Variants in OXR1 observed in about 807,000 individuals in gnomAD.
OXR1 encodes oxidation resistance protein 1.
OXR1 carries 41 observed loss-of-function variants against 104.6 expected under a neutral mutation model. The observed-to-expected ratio is 0.39, with a 90% CI of 0.31 to 0.51. The LOEUF is 0.51. Ranked by LOEUF, OXR1 falls within the 20% of genes least tolerant of loss-of-function variation. The pLI, the probability that OXR1 is intolerant of heterozygous loss-of-function variation, is 0.77. For missense variants in OXR1, 955 were observed against 1,031.9 expected (o/e 0.93, Z 1.02); for synonymous variants, 348 against 348.4 (o/e 1.00, Z 0.01).
intron 3 of OXR1, among the ~76,000 whole-genome samples, chr8:106,581,756 G>A (rs1406597579): frequency 6.6e-6 from 1 of 151,796 alleles, no homozygotes; most frequent in African/African-American, 2.4e-5. Flanking sequence ...AGGCACAATG[G>A]CTCACACCTA....
At chr8:106,617,537 C>A (rs1353220239) in intron 3 of OXR1, among the ~76,000 whole-genome samples, 3 of 152,104 alleles carry the variant, frequency 2.0e-5, no homozygotes, top group Non-Finnish European at 4.4e-5. Flanking sequence ...TTTCTTCTTT[C>A]CCTCCTAGGG....
At chr8:106,427,000 A>G (rs1009282888) in intron 2 of OXR1, among the ~76,000 whole-genome samples, 1 of 152,036 alleles carries the variant, frequency 6.6e-6, no homozygotes, top group African/African-American at 2.4e-5. Flanking sequence ...ATTTCCTCCC[A>G]TTGATTTTAA....
chr8:106,304,458 A>G (rs1014012700), intron 1 of OXR1, among the ~76,000 whole-genome samples: 2 of 152,178 alleles, frequency 1.3e-5, no homozygotes, highest in Non-Finnish European at 2.9e-5. Flanking sequence ...TTTGTTTTAA[A>G]GGCTCTAAGC....
In OXR1 at chr8:106,303,439, T is replaced by C. The variant is rs746591735; in HGVS notation, c.-139+33072T>C. On this transcript the variant is annotated intron_variant, in intron 1 of 16. Coordinates refer to ENST00000517566, the MANE Select transcript of OXR1 (RefSeq NM_001198533.2). ...ATTTTTAGTAGAGACGGGGTTTCAC[T>C]GTGTTAGCCAGGATGATCTTGGTCT... is the stretch of plus-strand genomic sequence containing the variant. Among the ~76,000 whole-genome samples, 78 of 150,316 alleles carry C rather than the reference T, an allele frequency of 5.2e-4. 1 individual carries two copies. The highest frequency in any genetic ancestry group is 8.8e-4 in the Non-Finnish European group (59 of 67,364).
chr8:106,497,786 A>G (rs922493265), intron 2 of OXR1, among the ~76,000 whole-genome samples: 1 of 80,154 alleles, frequency 1.2e-5, no homozygotes, highest in Non-Finnish European at 2.7e-5. Context: ...TATGGTCACC[A>G]TATGTGTGTG....
chr8:106,419,154 G>A (rs900857974), intron 2 of OXR1, among the ~76,000 whole-genome samples: 9 of 152,120 alleles, frequency 5.9e-5, no homozygotes, highest in African/African-American at 9.7e-5. Flanking sequence ...CAGGAACACT[G>A]TGAGCAATTG....
At chr8:106,363,259 G>A (rs1816325499) in intron 2 of OXR1, among the ~76,000 whole-genome samples, 1 of 152,182 alleles carries the variant, frequency 6.6e-6, no homozygotes, top group South Asian at 2.1e-4. Context: ...AGACTGATAA[G>A]TGATCAAATA....
intron 3 of OXR1, among the ~76,000 whole-genome samples, chr8:106,602,181 G>A (rs1377276259): frequency 6.6e-6 from 1 of 152,182 alleles, no homozygotes; most frequent in Non-Finnish European, 1.5e-5. Context: ...AAAACCGTGG[G>A]TAGTAAATTG....
intron 3 of OXR1, among the ~76,000 whole-genome samples, chr8:106,646,257 C>T (rs1219121020): frequency 6.6e-6 from 1 of 151,970 alleles, no homozygotes. Flanking sequence ...AGGTGCACAC[C>T]ACCAAGCCTG....
At chr8:106,307,853 G>C (rs899254096) in intron 1 of OXR1, among the ~76,000 whole-genome samples, 5 of 152,116 alleles carry the variant, frequency 3.3e-5, no homozygotes, top group African/African-American at 1.2e-4. Flanking sequence ...ATCTTGGAGT[G>C]ATATTTCTGA....
At chr8:106,392,442 A>G (rs192296437) in intron 2 of OXR1, among the ~76,000 whole-genome samples, 6 of 152,284 alleles carry the variant, frequency 3.9e-5, no homozygotes, top group African/African-American at 1.4e-4. Flanking sequence ...TGAAGAGACA[A>G]GAGAATTTTT....
intron 3 of OXR1, among the ~76,000 whole-genome samples, chr8:106,542,003 G>A (rs1814990743): frequency 6.6e-6 from 1 of 152,150 alleles, no homozygotes; most frequent in Non-Finnish European, 1.5e-5. Flanking sequence ...GCTCAGACAT[G>A]TTAAGGAGCT....
intron 2 of OXR1, among the ~76,000 whole-genome samples, chr8:106,458,421 A>G (rs1415374131): frequency 1.3e-5 from 2 of 152,304 alleles, no homozygotes; most frequent in Non-Finnish European, 2.9e-5. Context: ...ACAGACATGC[A>G]GATTACAAGA....
chr8:106,270,202 C>A lies in OXR1; in HGVS notation c.-304C>A, dbSNP rs1052715732. 6.6e-6 allele frequency: 1 copy of A among 152,344 alleles called. No homozygotes were observed. Among genetic ancestry groups the A allele is most frequent in the Non-Finnish European group, 1.5e-5 (1 of 68,078 alleles). 9.4% of individuals were successfully genotyped at this position (152,344 alleles called of 1,614,324 possible). ...CATGTCTGCAAGCGCTCAGCGGCGC[C>A]GGCAGCAGCGGGGCTAGAGCTGGGC... On this transcript the variant is annotated 5_prime_UTR_variant, in exon 1 of 17. Coordinates refer to ENST00000517566, the MANE Select transcript of OXR1 (RefSeq NM_001198533.2).
At chr8:106,576,023 A>ACACACACACACAC (rs1563616871) in intron 3 of OXR1, among the ~76,000 whole-genome samples, 1 of 100,310 alleles carries the variant, frequency 1.0e-5, no homozygotes. Context: ...CACACACACA[A>ACACACACACACAC]AACCCTGAAA....
intron 2 of OXR1, chr8:106,448,009 C>T: frequency 6.5e-7 from 1 of 1,528,896 alleles, no homozygotes; most frequent in Non-Finnish European, 8.7e-7. Flanking sequence ...GGTTGCCTGC[C>T]TGCCTGCACA....
At chr8:106,273,401 C>G (rs1811898466) in intron 1 of OXR1, among the ~76,000 whole-genome samples, 1 of 152,192 alleles carries the variant, frequency 6.6e-6, no homozygotes, top group Admixed American at 6.5e-5. Context: ...CAGTGATTCT[C>G]CACTGGGGGC....
chr8:106,334,149 A>G (rs1248051052), intron 1 of OXR1, among the ~76,000 whole-genome samples: 1 of 152,202 alleles, frequency 6.6e-6, no homozygotes, highest in Non-Finnish European at 1.5e-5. Context: ...ACAATGTTTT[A>G]TAGTTTTCAG....
chr8:106,435,715 A>G (rs953594292), intron 2 of OXR1, among the ~76,000 whole-genome samples: 1 of 152,154 alleles, frequency 6.6e-6, no homozygotes, highest in Non-Finnish European at 1.5e-5. Flanking sequence ...TTCCTTTACT[A>G]TCTGGTGTTC....
Sources: allele counts gnomAD v4.1 joint callset (sites outside exome capture counted in the v4.1 genomes callset), GRCh38; gene constraint gnomAD v4.1.1; transcripts MANE v1.5; gene names NCBI Gene and HGNC (gene_info 2026-07-23, HGNC 2026-07-21).